Variants in EML6 observed in about 807,000 individuals in gnomAD.
EML6 encodes EMAP like 6, also known as echinoderm microtubule-associated protein-like 6.
EML6 carries 154 observed loss-of-function variants against 240.1 expected under a neutral mutation model. That is an observed-to-expected ratio of 0.64 (90% CI 0.56 to 0.73). The LOEUF is 0.73. Among genes scored for constraint, EML6 ranks in the 30% least tolerant of loss-of-function variants. The pLI is 0.00. For missense variants in EML6, 2,964 were observed against 2,474.6 expected (o/e 1.20, Z -4.20); for synonymous variants, 1,148 against 899.0 (o/e 1.28, Z -4.95).
intron 2 of EML6, among the ~76,000 whole-genome samples, chr2:54,797,625 T>TAAA (rs34160986): frequency 6.7e-6 from 1 of 148,766 alleles, no homozygotes; most frequent in Non-Finnish European, 1.5e-5. Flanking sequence ...TTCTTTATTG[T>TAAA]AAAAAAAAAA....
intron 7 of EML6, among the ~76,000 whole-genome samples, chr2:54,841,856 G>C (rs771038465): frequency 8.9e-4 from 136 of 152,100 alleles, no homozygotes; most frequent in Non-Finnish European, 1.2e-3. Flanking sequence ...GCCTCCCAAA[G>C]TGTTGGGATT....
At chr2:54,898,239 G>A (rs776574724) in intron 21 of EML6, among the ~76,000 whole-genome samples, 1 of 152,060 alleles carries the variant, frequency 6.6e-6, no homozygotes, top group Non-Finnish European at 1.5e-5. Flanking sequence ...CTTACTGTCC[G>A]ATCCTGTGTT....
Position 54,844,077 on chromosome 2 carries a change from C to T in EML6, c.878C>T (p.Ala293Val). 1.3e-6 allele frequency: 2 copies of T among 1,550,774 alleles called. No individual in the cohort carries two copies. The highest frequency in any genetic ancestry group is 1.7e-6 in the Non-Finnish European group (2 of 1,146,732). Residue 293 changes from alanine (A) to valine (V), a missense_variant, in exon 8 of 42, where the codon GCA (alanine) becomes GTA (valine). By Grantham distance (64) the Ala-to-Val change is moderately conservative. Transcript: ENST00000356458. ...TCTATCCGGAGCGTGTGCTGGAAAG[C>T]AGACCGCCTTCTAGCAGGGACCCAG... Reference protein sequence around the residue: ...GLSIRSVCWKADRLLAGTQDS... With the variant: ...GLSIRSVCWKVDRLLAGTQDS...
chr2:54,834,101 A>C (rs1449156208), intron 7 of EML6, among the ~76,000 whole-genome samples: 1 of 152,096 alleles, frequency 6.6e-6, no homozygotes, highest in African/African-American at 2.4e-5. Flanking sequence ...GTGAATATAA[A>C]ATTCTGGAAT....
At chr2:54,944,460 C>T (rs1189757133) in intron 28 of EML6, among the ~76,000 whole-genome samples, 1 of 152,132 alleles carries the variant, frequency 6.6e-6, no homozygotes, top group Admixed American at 6.6e-5. Context: ...TCTCCATAAC[C>T]ACTGCTCCAG....
intron 26 of EML6, among the ~76,000 whole-genome samples, chr2:54,924,719 A>G (rs1301467080): frequency 2.0e-5 from 3 of 151,974 alleles, no homozygotes; most frequent in Non-Finnish European, 2.9e-5. Context: ...CTGCTGCCAT[A>G]CCTGGCTAAT....
rs537542850 is a variant in EML6 at position 54,834,915 on chromosome 2, T to C, written c.847+5438T>C. 2.6e-5 allele frequency among the ~76,000 whole-genome samples: 4 copies of C among 152,316 alleles called. No individual in the cohort carries two copies. The South Asian group carries it at 6.2e-4, about 24-fold the overall frequency. On this transcript the variant is annotated intron_variant, in intron 7 of 41. Transcript: ENST00000356458. The stretch of plus-strand genomic sequence containing the variant: ...GCAGCTAGAGGGATTATTTGAACTT[T>C]ATGTGAGCCAGATCACATAATTGCT...
intron 2 of EML6, among the ~76,000 whole-genome samples, chr2:54,770,202 G>C (rs1668348877): frequency 1.3e-5 from 2 of 152,156 alleles, no homozygotes; most frequent in Non-Finnish European, 2.9e-5. Context: ...TTCAGTGTTG[G>C]ATAAGGAGAT....
chr2:54,840,963 G>C (rs1669415251), intron 7 of EML6, among the ~76,000 whole-genome samples: 2 of 152,364 alleles, frequency 1.3e-5, no homozygotes, highest in African/African-American at 2.4e-5. Context: ...AAGCCTGCTA[G>C]GGAGACAACT....
Position 54,957,983 on chromosome 2 carries a change from C to A in EML6, c.4680C>A (p.Ser1560=). ...LGAAKMQTML[S]VAFGANNLTF... ...CTGCCAAAATGCAGACGATGCTCTC[C>A]GTGGCCTTCGGTGCTGTGAGTTCTA... The change falls in exon 33 of 42, where the codon TCC becomes TCA. Residue 1560 remains serine, a synonymous_variant. Transcript: ENST00000356458. The A allele has an allele frequency of 1.3e-6, 2 of 1,550,818 alleles. No individual in the cohort carries two copies. Among genetic ancestry groups the A allele is most frequent in the Non-Finnish European group, 1.7e-6 (2 of 1,146,366 alleles).
At position 54,903,196 on chromosome 2, in the gene EML6, G is replaced by C. The variant is rs573013027; in HGVS notation, c.3277G>C (p.Asp1093His). 1 of 1,551,496 alleles carries C rather than the reference G, an allele frequency of 6.4e-7. No individual in the cohort carries two copies. The highest frequency in any genetic ancestry group is 8.7e-7 in the Non-Finnish European group (1 of 1,146,756). ...EMISDIKFSK[D>H]TGKYLAVASH... ...GATCTCTGATATTAAGTTTTCAAAA[G>C]GTGAAGATGACAGCAGATACTTTTT... The change falls in exon 23 of 42, where the codon GAT (aspartate) becomes CAT (histidine). Residue 1093 changes from aspartate to histidine, a missense_variant and splice_region_variant. Coordinates refer to ENST00000356458, the MANE Select transcript of EML6 (RefSeq NM_001039753.4).
chr2:54,893,227 C>G (rs1029716069), intron 19 of EML6, among the ~76,000 whole-genome samples: 3 of 152,168 alleles, frequency 2.0e-5, no homozygotes, highest in Non-Finnish European at 4.4e-5. Context: ...AAAGATTACA[C>G]TTACCTTCTC....
At chr2:54,754,761 G>A (rs1183712954) in intron 2 of EML6, among the ~76,000 whole-genome samples, 1 of 151,868 alleles carries the variant, frequency 6.6e-6, no homozygotes, top group Non-Finnish European at 1.5e-5. Flanking sequence ...CCCAATTCAG[G>A]GTTATGTAAA....
chr2:54,788,208 C>A (rs1450306313), intron 2 of EML6, among the ~76,000 whole-genome samples: 1 of 152,252 alleles, frequency 6.6e-6, no homozygotes, highest in Non-Finnish European at 1.5e-5. Flanking sequence ...ACTGGTTGAG[C>A]ACATAGGTTC....
At chr2:54,743,302 C>G (rs1199937235) in intron 2 of EML6, among the ~76,000 whole-genome samples, 1 of 152,236 alleles carries the variant, frequency 6.6e-6, no homozygotes, top group Non-Finnish European at 1.5e-5. Context: ...GAAAGCAGAG[C>G]ACCTGGAGAA....
chr2:54,850,537 ATATC>A (rs1473418349), intron 10 of EML6, among the ~76,000 whole-genome samples: 3 of 152,072 alleles, frequency 2.0e-5, no homozygotes, highest in African/African-American at 7.2e-5. Flanking sequence ...CAAAAGATAT[ATATC>A]TAGAATATAT....
intron 7 of EML6, among the ~76,000 whole-genome samples, chr2:54,841,520 G>A (rs1377896782): frequency 1.3e-5 from 2 of 151,438 alleles, no homozygotes; most frequent in African/African-American, 2.4e-5. Flanking sequence ...TAGTTAGGAT[G>A]TCCGCGTACC....
chr2:54,843,311 C>A (rs1669561334), intron 7 of EML6, among the ~76,000 whole-genome samples: 1 of 151,962 alleles, frequency 6.6e-6, no homozygotes, highest in Non-Finnish European at 1.5e-5. Context: ...ACCTGTAGTC[C>A]CAGTTACTTG....
intron 2 of EML6, among the ~76,000 whole-genome samples, chr2:54,806,598 AGTG>A (rs1558565571): frequency 1.6e-5 from 2 of 127,770 alleles, no homozygotes; most frequent in East Asian, 4.8e-4. Context: ...GGGCAACAAG[AGTG>A]ACTCCGTCTC....
Sources: gnomAD v4.1 joint callset for allele counts (sites outside exome capture counted in the v4.1 genomes callset) on GRCh38, gnomAD v4.1.1 for gene constraint, MANE v1.5 for transcripts, NCBI Gene and HGNC (gene_info 2026-07-23, HGNC 2026-07-21) for gene names.